The following SAMTOR variants were observed in gnomAD, a reference collection of about 807,000 sequenced individuals.
SAMTOR encodes the protein UPF0532 protein C7orf60.
chr7:112,916,324 A>G, the SAMTOR span, among the ~76,000 whole-genome samples: 1 of 152,242 alleles, frequency 6.6e-6, no homozygotes, highest in South Asian at 2.1e-4. Flanking sequence ...TGTAATGGTA[A>G]TAGAGTAAAC....
the SAMTOR span, among the ~76,000 whole-genome samples, chr7:112,824,507 C>T: frequency 6.6e-6 from 1 of 152,002 alleles, no homozygotes; most frequent in Non-Finnish European, 1.5e-5. Flanking sequence ...GGACTACAGG[C>T]ACGCACCACC....
chr7:112,851,459 A>G, the SAMTOR span, among the ~76,000 whole-genome samples: 13 of 152,324 alleles, frequency 8.5e-5, no homozygotes, highest in African/African-American at 1.4e-4. Context: ...AAGCCTACTC[A>G]GTCAATAATG....
At chr7:112,852,242 G>T in the SAMTOR span, among the ~76,000 whole-genome samples, 1 of 152,094 alleles carries the variant, frequency 6.6e-6, no homozygotes, top group South Asian at 2.1e-4. Flanking sequence ...AAAATGTGGT[G>T]TATATATGTA....
At chr7:112,893,023 C>T in the SAMTOR span, among the ~76,000 whole-genome samples, 1 of 152,138 alleles carries the variant, frequency 6.6e-6, no homozygotes, top group Admixed American at 6.5e-5. Context: ...AACAGATGTG[C>T]TGTCATCTAG....
At chr7:112,920,800 C>A in the SAMTOR span, among the ~76,000 whole-genome samples, 3 of 151,794 alleles carry the variant, frequency 2.0e-5, no homozygotes, top group Admixed American at 1.3e-4. Context: ...TTCTTATACA[C>A]CAATAACAGA....
the SAMTOR span, among the ~76,000 whole-genome samples, chr7:112,842,498 T>G: frequency 9.4e-3 from 1,431 of 152,124 alleles, 6 homozygotes; most frequent in Non-Finnish European, 0.016. Flanking sequence ...TTTGGCCTTA[T>G]CAGTTCTTAC....
At chr7:112,833,091 C>A in the SAMTOR span, among the ~76,000 whole-genome samples, 1 of 152,092 alleles carries the variant, frequency 6.6e-6, no homozygotes, top group Non-Finnish European at 1.5e-5. Flanking sequence ...ACCCCCAACC[C>A]CCATTTTTAA....
the SAMTOR span, among the ~76,000 whole-genome samples, chr7:112,872,973 A>C: frequency 7.9e-5 from 12 of 152,030 alleles, no homozygotes; most frequent in Non-Finnish European, 1.2e-4. Context: ...ACACCCACAC[A>C]CACACACAAA....
the SAMTOR span, among the ~76,000 whole-genome samples, chr7:112,929,344 A>C: frequency 1.3e-5 from 2 of 152,160 alleles, 1 homozygote; most frequent in Admixed American, 1.3e-4. Flanking sequence ...AAGGGTGCTC[A>C]ACAAAACTAA....
chr7:112,930,192 A>T, the SAMTOR span, among the ~76,000 whole-genome samples: 2 of 152,166 alleles, frequency 1.3e-5, no homozygotes, highest in Non-Finnish European at 2.9e-5. Context: ...ACTAAGTGCA[A>T]ACAAGTTCAG....
chr7:112,923,442 C>A, the SAMTOR span, among the ~76,000 whole-genome samples: 1 of 151,756 alleles, frequency 6.6e-6, no homozygotes, highest in Non-Finnish European at 1.5e-5. Flanking sequence ...CTGCCAAATC[C>A]CCCTCTGGGA....
At chr7:112,852,547 ATG>A in the SAMTOR span, among the ~76,000 whole-genome samples, 1 of 152,132 alleles carries the variant, frequency 6.6e-6, no homozygotes, top group East Asian at 1.9e-4. Flanking sequence ...TCACTACGCA[ATG>A]TATCCATGTA....
the SAMTOR span, among the ~76,000 whole-genome samples, chr7:112,875,890 T>C: frequency 1.3e-5 from 2 of 152,214 alleles, no homozygotes; most frequent in African/African-American, 4.8e-5. Flanking sequence ...TATTTTATCA[T>C]CTTTCTCCAG....
chr7:112,933,098 CAG>C, the SAMTOR span, among the ~76,000 whole-genome samples: 1 of 152,112 alleles, frequency 6.6e-6, no homozygotes, highest in Non-Finnish European at 1.5e-5. Context: ...GACATAAAGA[CAG>C]AATAGCTACG....
At chr7:112,842,759 G>GT in the SAMTOR span, among the ~76,000 whole-genome samples, 1 of 151,908 alleles carries the variant, frequency 6.6e-6, no homozygotes, top group East Asian at 1.9e-4. Flanking sequence ...ACATGAATAT[G>GT]TTAAGTATGC....
chr7:112,901,952 CA>C, the SAMTOR span, among the ~76,000 whole-genome samples: 1 of 152,002 alleles, frequency 6.6e-6, no homozygotes, highest in African/African-American at 2.4e-5. Flanking sequence ...TATTATTCAG[CA>C]GTATAAAGAA....
the SAMTOR span, among the ~76,000 whole-genome samples, chr7:112,926,303 T>G: frequency 6.6e-6 from 1 of 152,180 alleles, no homozygotes; most frequent in Non-Finnish European, 1.5e-5. Context: ...CTATATACTT[T>G]GAAACTCAAT....
chr7:112,845,172 T>C, the SAMTOR span, among the ~76,000 whole-genome samples: 27 of 152,236 alleles, frequency 1.8e-4, no homozygotes, highest in East Asian at 3.9e-3. Context: ...ATTCTGGACA[T>C]AGGAATATGC....
chr7:112,874,966 T>C, the SAMTOR span, among the ~76,000 whole-genome samples: 247 of 152,172 alleles, frequency 1.6e-3, 3 homozygotes, highest in Non-Finnish European at 1.5e-3. Context: ...AAGCATGCAA[T>C]CACAGGGGGA....
Sources: gnomAD v4.1 joint callset for allele counts (sites outside exome capture counted in the v4.1 genomes callset) on GRCh38, gnomAD v4.1.1 for gene constraint, MANE v1.5 for transcripts, NCBI Gene and HGNC (gene_info 2026-07-23, HGNC 2026-07-21) for gene names.